The following PIK3C2G variants were observed in gnomAD, a reference collection of about 807,000 sequenced individuals.
PIK3C2G encodes phosphatidylinositol 3-kinase C2 domain-containing subunit gamma.
PIK3C2G carries 168 observed loss-of-function variants against 181.1 expected under a neutral mutation model. The ratio of observed to expected loss-of-function variants is 0.93; its 90% CI spans 0.82 to 1.05. The LOEUF is 1.05. Ranked by LOEUF, PIK3C2G falls within the 50% of genes least tolerant of loss-of-function variation. PIK3C2G has a pLI of 0.00. For missense variants in PIK3C2G, 1,869 were observed against 1,732.8 expected, an observed-to-expected ratio of 1.08 and a Z score of -1.40; for synonymous variants, 573 against 592.2, an observed-to-expected ratio of 0.97 and a Z score of 0.47.
In PIK3C2G at chr12:18,248,508, C is replaced by T. The variant is rs566596961; in HGVS notation, c.-79+426C>T. 2.5e-4 allele frequency among the ~76,000 whole-genome samples: 38 copies of T among 152,170 alleles called. 1 individual carries two copies. In the South Asian group the frequency reaches 6.8e-3, roughly 27 times the overall value. On this transcript the variant is annotated intron_variant, in intron 1 of 11. Transcript: ENST00000535651. The stretch of plus-strand genomic sequence containing the variant: ...GAATGGTGTGAACCCGGGGCGGAGC[C>T]TGCAGTGAGCCGAGATCGCGCCACT...
rs145771394 is a variant in PIK3C2G, at chr12:18,359,145, A to G, written c.1626-3619A>G. On this transcript the variant is annotated intron_variant, in intron 11 of 32. Transcript: ENST00000538779. ...CTCTCCTCAAGCTGTAAGCACTGCC[A>G]ATTCTGAGATGTTTTGTAATTGCCC... is the stretch of plus-strand genomic sequence containing the variant. Among the ~76,000 whole-genome samples the G allele has an allele frequency of 2.0e-5, 3 of 152,328 alleles. No individual in the cohort carries two copies. The East Asian group carries it at 5.8e-4, about 29-fold the overall frequency.
intron 31 of PIK3C2G, among the ~76,000 whole-genome samples, chr12:18,637,047 G>C (rs1017292616): frequency 6.6e-6 from 1 of 152,074 alleles, no homozygotes; most frequent in African/African-American, 2.4e-5. Context: ...AAATTCTATT[G>C]ATCACCTGAC....
the PIK3C2G span, among the ~76,000 whole-genome samples, chr12:18,664,116 A>G: frequency 6.6e-6 from 1 of 152,308 alleles, no homozygotes; most frequent in Non-Finnish European, 1.5e-5. Flanking sequence ...GACACACCAG[A>G]AAATAACAAG....
Position 18,488,536 on chromosome 12 carries a change from CT to C in PIK3C2G, c.2594del (p.Leu865Ter), listed in dbSNP as rs768687671. On this transcript the variant is annotated frameshift_variant, in exon 19 of 33. Coordinates refer to ENST00000538779, the MANE Select transcript of PIK3C2G (RefSeq NM_001288772.2). LOFTEE classifies it high-confidence loss of function. ...CTCTCCAATTCTGTGCAGGTAAAGC[CT>C]TGAATGATGAGTTTTCCAAGGAGCA... ...AALQFCAGKA[L>X]NDEFSKEQKL... 1.3e-6 allele frequency: 2 copies of C among 1,591,702 alleles called. No homozygotes were observed. The highest frequency in any genetic ancestry group is 2.7e-5 in the African/African-American group (2 of 73,600).
At chr12:18,565,453 A>G (rs766209769) in intron 28 of PIK3C2G, among the ~76,000 whole-genome samples, 4 of 152,180 alleles carry the variant, frequency 2.6e-5, no homozygotes, top group Non-Finnish European at 5.9e-5. Context: ...TACACTGATC[A>G]GGCTATAGAA....
intron 1 of PIK3C2G, among the ~76,000 whole-genome samples, chr12:18,269,453 C>T (rs781046493): frequency 3.3e-5 from 5 of 152,108 alleles, no homozygotes; most frequent in Non-Finnish European, 7.3e-5. Context: ...GAAACATTAT[C>T]TCCCCTAGGT....
chr12:18,543,522 G>A (rs1186457353), intron 25 of PIK3C2G, among the ~76,000 whole-genome samples: 3 of 151,726 alleles, frequency 2.0e-5, no homozygotes, highest in Admixed American at 2.0e-4. Flanking sequence ...TATAGCTTTG[G>A]GTTTTATATT....
At chr12:18,407,049 G>A (rs1044984219) in intron 16 of PIK3C2G, among the ~76,000 whole-genome samples, 1 of 152,112 alleles carries the variant, frequency 6.6e-6, no homozygotes, top group East Asian at 1.9e-4. Context: ...AAAACAAAGA[G>A]TAATATTATA....
At chr12:18,278,538 G>A (rs575192168) in intron 1 of PIK3C2G, among the ~76,000 whole-genome samples, 8 of 152,114 alleles carry the variant, frequency 5.3e-5, no homozygotes, top group Middle Eastern at 3.4e-3. Context: ...CAGGTTCCAG[G>A]GATCAAAACA....
the PIK3C2G span, chr12:18,719,357 G>T: frequency 1.2e-6 from 1 of 828,950 alleles, no homozygotes; most frequent in Non-Finnish European, 1.7e-6. Context: ...GTGCACTCTT[G>T]CCTACTGAGG....
At chr12:18,445,515 GGTTT>G (rs1245401882) in intron 18 of PIK3C2G, among the ~76,000 whole-genome samples, 2 of 151,896 alleles carry the variant, frequency 1.3e-5, no homozygotes, top group African/African-American at 4.8e-5. Context: ...ATGTTGTGGA[GGTTT>G]GTTTATCAGT....
intron 18 of PIK3C2G, among the ~76,000 whole-genome samples, chr12:18,472,019 T>A (rs2135981284): frequency 6.6e-6 from 1 of 152,208 alleles, no homozygotes; most frequent in Middle Eastern, 3.4e-3. Flanking sequence ...AGAAATTTGG[T>A]TCTATTATTT....
At position 18,269,183 on chromosome 12, in the gene PIK3C2G, A is replaced by G. The variant is rs543973807; in HGVS notation, c.-79+7606A>G. Among the ~76,000 whole-genome samples, 4 of 152,264 alleles carry G rather than the reference A, an allele frequency of 2.6e-5. No homozygotes were observed. The East Asian group carries it at 7.7e-4, about 29-fold the overall frequency. On this transcript the variant is annotated intron_variant, in intron 1 of 32. Coordinates refer to ENST00000538779, the MANE Select transcript of PIK3C2G (RefSeq NM_001288772.2). ...TGCCTCGGCCTCCCAAAGTGCTGGT[A>G]TTATAGGCATAAGCCACTGTGCCAG...
chr12:18,724,242 G>A, the PIK3C2G span, among the ~76,000 whole-genome samples: 2 of 152,034 alleles, frequency 1.3e-5, no homozygotes. Context: ...CAAGTGGGAG[G>A]TGGTGAATAG....
At chr12:18,478,648 G>A (rs1413398983) in intron 18 of PIK3C2G, among the ~76,000 whole-genome samples, 2 of 152,158 alleles carry the variant, frequency 1.3e-5, no homozygotes, top group African/African-American at 4.8e-5. Flanking sequence ...GTGTAAGGGA[G>A]AGAAAAATAT....
intron 18 of PIK3C2G, 55 bp downstream of exon 18, chr12:18,424,094 G>A: frequency 2.0e-6 from 2 of 1,013,250 alleles, no homozygotes; most frequent in South Asian, 1.3e-5. Flanking sequence ...CTTCTCTATG[G>A]GGCAGCTTTA....
intron 26 of PIK3C2G, among the ~76,000 whole-genome samples, chr12:18,551,154 T>A (rs1348928): frequency 6.6e-6 from 1 of 151,792 alleles, no homozygotes; most frequent in East Asian, 2.0e-4. Context: ...CATCAACTAC[T>A]CTCTGTTTCC....
intron 7 of PIK3C2G, among the ~76,000 whole-genome samples, chr12:18,324,112 C>G (rs1358471624): frequency 3.9e-5 from 6 of 151,958 alleles, no homozygotes; most frequent in East Asian, 1.9e-4. Context: ...CCCAGCTACT[C>G]CGGATGCTGA....
intron 31 of PIK3C2G, among the ~76,000 whole-genome samples, chr12:18,638,317 G>C (rs75151945): frequency 0.37 from 56,887 of 152,016 alleles, 10,942 homozygotes; most frequent in East Asian, 0.55. Context: ...TCCTCTCAGA[G>C]GTTGGAGGTG....
Sources: gnomAD v4.1 joint callset for allele counts (sites outside exome capture counted in the v4.1 genomes callset) on GRCh38, gnomAD v4.1.1 for gene constraint, MANE v1.5 for transcripts, NCBI Gene and HGNC (gene_info 2026-07-23, HGNC 2026-07-21) for gene names.